The following COX7B2 variants were observed in gnomAD, a reference collection of about 807,000 sequenced individuals.
The protein encoded by COX7B2 is cytochrome c oxidase subunit 7B2, mitochondrial.
For missense variants in COX7B2, 109 were observed against 95.9 expected (o/e 1.14, Z -0.57); for synonymous variants, 37 against 32.1 (o/e 1.15, Z -0.51).
intron 2 of COX7B2, among the ~76,000 whole-genome samples, chr4:46,796,843 C>CA (rs1461547137): frequency 1.2e-4 from 4 of 32,128 alleles, no homozygotes; most frequent in Non-Finnish European, 2.1e-4. Context: ...ATCGCAAGAA[C>CA]AAAAAACCAA....
At chr4:46,752,395 T>C (rs1209569345) in intron 2 of COX7B2, among the ~76,000 whole-genome samples, 4 of 152,048 alleles carry the variant, frequency 2.6e-5, no homozygotes, top group East Asian at 3.9e-4. Flanking sequence ...CTTTTCCTAA[T>C]TGAATACTCT....
At chr4:46,745,250 C>G (rs903788407) in intron 2 of COX7B2, among the ~76,000 whole-genome samples, 1 of 152,152 alleles carries the variant, frequency 6.6e-6, no homozygotes, top group Non-Finnish European at 1.5e-5. Context: ...TGGACTATCT[C>G]TGTGCTCCTA....
At chr4:46,774,225 C>CA (rs1467615984) in intron 2 of COX7B2, among the ~76,000 whole-genome samples, 11 of 152,040 alleles carry the variant, frequency 7.2e-5, no homozygotes, top group Admixed American at 2.6e-4. Flanking sequence ...AACAAACAAA[C>CA]AAAAAACTAA....
At chr4:46,805,738 C>T (rs554645787) in intron 2 of COX7B2, among the ~76,000 whole-genome samples, 118 of 152,178 alleles carry the variant, frequency 7.8e-4, no homozygotes, top group South Asian at 7.0e-3. Context: ...TATGGATTTT[C>T]GTAGATCAAT....
At chr4:46,886,914 C>T (rs965765848) in intron 1 of COX7B2, among the ~76,000 whole-genome samples, 1 of 152,076 alleles carries the variant, frequency 6.6e-6, no homozygotes, top group Non-Finnish European at 1.5e-5. Flanking sequence ...TGAAGGAGTC[C>T]ACCTACTGGA....
chr4:46,768,952 T>C (rs1446243626), intron 2 of COX7B2, among the ~76,000 whole-genome samples: 4 of 151,510 alleles, frequency 2.6e-5, no homozygotes, highest in African/African-American at 7.3e-5. Flanking sequence ...TTGGATAACA[T>C]AGAAAAAATG....
At chr4:46,812,891 G>A (rs2109666727) in intron 2 of COX7B2, among the ~76,000 whole-genome samples, 1 of 152,292 alleles carries the variant, frequency 6.6e-6, no homozygotes, top group South Asian at 2.1e-4. Context: ...CATTGGGCCA[G>A]GGGCTCATAT....
chr4:46,815,466 A>G (rs1005820765), intron 2 of COX7B2, among the ~76,000 whole-genome samples: 1 of 152,144 alleles, frequency 6.6e-6, no homozygotes. Flanking sequence ...TTTATATTGT[A>G]TGTTTTGTGC....
At chr4:46,752,133 T>C (rs35338643) in intron 2 of COX7B2, among the ~76,000 whole-genome samples, 49,660 of 151,778 alleles carry the variant, frequency 0.33, 8,385 homozygotes, top group South Asian at 0.47. Flanking sequence ...AGGTCCTTCA[T>C]ATCCCTTGTA....
chr4:46,892,219 G>T (rs1248444802), intron 1 of COX7B2, among the ~76,000 whole-genome samples: 1 of 152,082 alleles, frequency 6.6e-6, no homozygotes, highest in Non-Finnish European at 1.5e-5. Flanking sequence ...ATAGATTATG[G>T]TATAGACTAA....
chr4:46,804,674 GA>G (rs1455125429), intron 2 of COX7B2, among the ~76,000 whole-genome samples: 41 of 152,234 alleles, frequency 2.7e-4, no homozygotes, highest in Non-Finnish European at 1.0e-4. Flanking sequence ...CCTTGAGCTA[GA>G]TACAGAGTGC....
chr4:46,880,290 G>A (rs192092980), intron 1 of COX7B2, among the ~76,000 whole-genome samples: 1 of 152,130 alleles, frequency 6.6e-6, no homozygotes, highest in Admixed American at 6.5e-5. Context: ...TGACCTCATA[G>A]AAAGAGCTGA....
intron 2 of COX7B2, among the ~76,000 whole-genome samples, chr4:46,806,554 G>T (rs1279199344): frequency 6.6e-6 from 1 of 152,022 alleles, no homozygotes; most frequent in African/African-American, 2.4e-5. Flanking sequence ...GGCAAGAACA[G>T]CTACACATTT....
chr4:46,893,485 C>A (rs1719565146), intron 1 of COX7B2, among the ~76,000 whole-genome samples: 1 of 152,152 alleles, frequency 6.6e-6, no homozygotes, highest in South Asian at 2.1e-4. Context: ...AGACTCGGCA[C>A]AATGGCAGAA....
intron 2 of COX7B2, among the ~76,000 whole-genome samples, chr4:46,821,338 TG>T (rs1464788671): frequency 2.6e-5 from 4 of 152,220 alleles, no homozygotes; most frequent in Non-Finnish European, 2.9e-5. Flanking sequence ...GGACTCTATT[TG>T]GCAGCAACCT....
At chr4:46,884,286 G>A (rs13126445) in intron 1 of COX7B2, among the ~76,000 whole-genome samples, 36,236 of 151,912 alleles carry the variant, frequency 0.24, 4,505 homozygotes, top group East Asian at 0.29. Context: ...GAACTCCTAG[G>A]CTCATAGCAA....
intron 2 of COX7B2, among the ~76,000 whole-genome samples, chr4:46,814,209 T>C (rs1719434232): frequency 6.6e-6 from 1 of 152,224 alleles, no homozygotes; most frequent in Non-Finnish European, 1.5e-5. Flanking sequence ...GGACGGTTTT[T>C]AAAGACTTAT....
chr4:46,864,569 G>C (rs1717531949), intron 1 of COX7B2, among the ~76,000 whole-genome samples: 1 of 152,142 alleles, frequency 6.6e-6, no homozygotes, highest in African/African-American at 2.4e-5. Context: ...ATGTTTTGTG[G>C]TCTTCTGCAG....
At chr4:46,746,890 C>G (rs905511842) in intron 2 of COX7B2, among the ~76,000 whole-genome samples, 2 of 152,110 alleles carry the variant, frequency 1.3e-5, no homozygotes, top group African/African-American at 2.4e-5. Context: ...CTACTAAACA[C>G]AGGAATTACC....
Sources: allele counts gnomAD v4.1 joint callset (sites outside exome capture counted in the v4.1 genomes callset), GRCh38; gene constraint gnomAD v4.1.1; transcripts MANE v1.5; gene names NCBI Gene and HGNC (gene_info 2026-07-23, HGNC 2026-07-21).